The following LGR4 variants were observed in gnomAD, a reference collection of about 807,000 sequenced individuals.
The protein encoded by LGR4 is leucine rich repeat containing G protein-coupled receptor 4.
LGR4 carries 44 observed loss-of-function variants against 84.8 expected under a neutral mutation model. The ratio of observed to expected loss-of-function variants is 0.52; its 90% CI spans 0.41 to 0.67. The LOEUF (loss-of-function observed/expected upper bound fraction) is 0.67. LGR4 is among the 30% of genes least tolerant of loss of function. LGR4 has a pLI of 0.00. For missense variants in LGR4, 1,032 were observed against 1,131.4 expected (o/e 0.91, Z 1.26); for synonymous variants, 429 against 434.3 (o/e 0.99, Z 0.15).
rs191804665 is a variant in LGR4 at position 27,391,502 on chromosome 11, G to A, written c.330-337C>T. ...TGCTATTAGTTAATGTTAATTAGGA[G>A]CTATAACAAGTTAACTGGGAGGTAT... On this transcript the variant is annotated intron_variant, in intron 3 of 17. Coordinates refer to ENST00000379214, the MANE Select transcript of LGR4 (RefSeq NM_018490.5). Among the ~76,000 whole-genome samples, 564 of 152,234 alleles carry A rather than the reference G, an allele frequency of 3.7e-3. 4 individuals carry two copies. The highest frequency in any genetic ancestry group is 0.013 in the African/African-American group (539 of 41,540).
chr11:27,372,663 C>T (rs945956006), intron 15 of LGR4, among the ~76,000 whole-genome samples: 3 of 152,162 alleles, frequency 2.0e-5, no homozygotes, highest in African/African-American at 7.2e-5. Flanking sequence ...TAAAATTTAA[C>T]AGCAGTACTG....
At chr11:27,432,883 T>C (rs1243672331) in intron 1 of LGR4, among the ~76,000 whole-genome samples, 1 of 152,160 alleles carries the variant, frequency 6.6e-6, no homozygotes, top group Non-Finnish European at 1.5e-5. Context: ...TCTTCCCACT[T>C]TTTTTCCCAC....
intron 2 of LGR4, among the ~76,000 whole-genome samples, chr11:27,409,713 T>A (rs1215047764): frequency 6.6e-6 from 1 of 152,168 alleles, no homozygotes; most frequent in Non-Finnish European, 1.5e-5. Flanking sequence ...CACAACTTTA[T>A]GCGTCCTAAA....
intron 1 of LGR4, among the ~76,000 whole-genome samples, chr11:27,448,581 C>T (rs893581992): frequency 1.8e-4 from 28 of 152,124 alleles, no homozygotes; most frequent in African/African-American, 3.4e-4. Context: ...CGTGAGCCAC[C>T]GCGCCCTGCC....
At chr11:27,399,250 C>G (rs1171005421) in intron 2 of LGR4, among the ~76,000 whole-genome samples, 1 of 152,076 alleles carries the variant, frequency 6.6e-6, no homozygotes, top group Non-Finnish European at 1.5e-5. Context: ...CTTTTGAAGA[C>G]ACACATAGGA....
Position 27,380,910 on chromosome 11 carries a change from G to A in LGR4, c.815C>T (p.Pro272Leu), listed in dbSNP as rs1313103833. The A allele has an allele frequency of 1.9e-6, 3 of 1,545,158 alleles. No individual in the cohort carries two copies. Among genetic ancestry groups the A allele is most frequent in the South Asian group, 2.2e-5 (2 of 89,418 alleles). ...VIPDGAFDGN[P>L]LLRTIHLYDN... ...AAATACTTACATAGTTCTTAAGAGT[G>A]GATTACCATCAAATGCTCCATCAGG... Residue 272 changes from proline (P) to leucine (L), a missense_variant, in exon 8 of 18, where the codon CCA (proline) becomes CTA (leucine). By Grantham distance (98) the Pro-to-Leu change is moderately conservative (BLOSUM62 -3). Transcript: ENST00000379214.
intron 1 of LGR4, among the ~76,000 whole-genome samples, chr11:27,430,725 T>A (rs979067316): frequency 6.6e-6 from 1 of 152,108 alleles, no homozygotes; most frequent in African/African-American, 2.4e-5. Context: ...TTTCCATGCT[T>A]GCCCCTCTGA....
At chr11:27,396,121 C>A (rs950189129) in intron 2 of LGR4, among the ~76,000 whole-genome samples, 1 of 152,160 alleles carries the variant, frequency 6.6e-6, no homozygotes, top group East Asian at 1.9e-4. Context: ...ATAAGTCACA[C>A]TGCTTGTACA....
Position 27,377,204 on chromosome 11 carries a change from T to G in LGR4, c.1063A>C (p.Ile355Leu). 1 of 1,570,766 alleles carries G rather than the reference T, an allele frequency of 6.4e-7. No individual in the cohort carries two copies. Among genetic ancestry groups the G allele is most frequent in the Non-Finnish European group, 8.7e-7 (1 of 1,143,608 alleles). Residue 355 changes from isoleucine to leucine, a missense_variant, in exon 12 of 18, where the codon ATA becomes CTA. Transcript: ENST00000379214. ...CCATTAAAACTTGGAAGGTCTCTTA[T>G]ATTATTGTAAGACAAGTCCCTTAAA... The part of the protein sequence containing the change: ...LRTLDLSYNN[I>L]RDLPSFNGCH...
At chr11:27,410,365 A>G (rs781434473) in intron 2 of LGR4, among the ~76,000 whole-genome samples, 2 of 152,134 alleles carry the variant, frequency 1.3e-5, no homozygotes, top group Non-Finnish European at 2.9e-5. Flanking sequence ...ATCACATTTA[A>G]ACATTCATCA....
At chr11:27,395,140 C>A (rs898217424) in intron 2 of LGR4, among the ~76,000 whole-genome samples, 6 of 152,046 alleles carry the variant, frequency 3.9e-5, no homozygotes, top group African/African-American at 1.4e-4. Context: ...ACCATAAAAG[C>A]CATAAGAGGC....
chr11:27,422,884 T>G (rs1590381473), intron 1 of LGR4, among the ~76,000 whole-genome samples: 1 of 152,326 alleles, frequency 6.6e-6, no homozygotes, highest in East Asian at 1.9e-4. Context: ...TACAAGAATT[T>G]CTTACACTTC....
In LGR4 at chr11:27,368,778, C is replaced by T; in HGVS notation, c.1945G>A (p.Asp649Asn). 1.9e-6 allele frequency: 3 copies of T among 1,613,928 alleles called. No homozygotes were observed. The highest frequency in any genetic ancestry group is 2.5e-6 in the Non-Finnish European group (3 of 1,179,976). The change falls in exon 18 of 18, where the codon GAT (aspartate) becomes AAT (asparagine). Residue 649 changes from aspartate (D) to asparagine (N), a missense_variant. Asp to Asn is a conservative substitution (Grantham distance 23). Coordinates refer to ENST00000379214, the MANE Select transcript of LGR4 (RefSeq NM_018490.5). ...ATVERSLSAK[D>N]IMKNGKSNHL... ...TTGCTCTTCCCATTTTTCATTATAT[C>T]TTTTGCAGATAAGCTTCTTTCGACA...
intron 10 of LGR4, among the ~76,000 whole-genome samples, chr11:27,379,896 C>T (rs1460299483): frequency 2.2e-5 from 2 of 90,666 alleles, no homozygotes; most frequent in African/African-American, 7.2e-5. Context: ...TTTACTAATC[C>T]TGCCTTAAAT....
At chr11:27,418,036 C>G in intron 1 of LGR4, among the ~76,000 whole-genome samples, 1 of 152,152 alleles carries the variant, frequency 6.6e-6, no homozygotes, top group South Asian at 2.1e-4. Flanking sequence ...TCCTGTCATC[C>G]ATTGAACAAA....
intron 3 of LGR4, 70 bp from the exon 4 acceptor site, chr11:27,391,235 C>CTT (rs35556457): frequency 4.1e-4 from 183 of 444,476 alleles, no homozygotes; most frequent in Non-Finnish European, 4.3e-4. Flanking sequence ...AATTCAGAGC[C>CTT]TTTTTTTTTT....
rs1456900865 is a variant in LGR4 at position 27,381,000 on chromosome 11, A to G, written c.759-34T>C. 2.5e-6 allele frequency: 3 copies of G among 1,180,796 alleles called. No homozygotes were observed. The African/African-American group carries it at 4.6e-5, about 18-fold the overall frequency. The allele number at this position is 1,180,796 out of a possible 1,614,324, so 73.1% of individuals were successfully genotyped here. A position where few individuals can be genotyped will look rare whatever the true frequency, so the allele number is the denominator to read the frequency against. ...ATAGGAGAAAAGTATTTTGAAATGC[A>G]TTATCCTCTTGCGAAATAAAACCCA... On this transcript the variant is annotated intron_variant, in intron 7 of 17. Coordinates refer to ENST00000379214, the MANE Select transcript of LGR4 (RefSeq NM_018490.5).
At position 27,368,849 on chromosome 11, in the gene LGR4, G is replaced by A. The variant is rs1862827108; in HGVS notation, c.1874C>T (p.Ala625Val). The A allele has an allele frequency of 6.2e-7, 1 of 1,614,140 alleles. No individual in the cohort carries two copies. Among genetic ancestry groups the A allele is most frequent in the South Asian group, 1.1e-5 (1 of 91,078 alleles). Residue 625 changes from alanine (A) to valine (V), a missense_variant, in exon 18 of 18, where the codon GCA becomes GTA. By Grantham distance (64) the Ala-to-Val change is moderately conservative. Coordinates refer to ENST00000379214, the MANE Select transcript of LGR4 (RefSeq NM_018490.5). ...TATGGCACTTTCTGAGGAGAAAACT[G>A]CAAGAAACCCAGCTACTTTGCAGCC... Reference protein sequence around the residue: ...GSGCKVAGFLAVFSSESAIFL... With the variant: ...GSGCKVAGFLVVFSSESAIFL...
intron 1 of LGR4, among the ~76,000 whole-genome samples, chr11:27,433,572 A>T (rs903609548): frequency 3.3e-5 from 5 of 151,940 alleles, no homozygotes; most frequent in African/African-American, 7.3e-5. Context: ...TGTTCTTCAG[A>T]GTGTGCTCTA....
Sources: gnomAD v4.1 joint callset for allele counts (sites outside exome capture counted in the v4.1 genomes callset) on GRCh38, gnomAD v4.1.1 for gene constraint, MANE v1.5 for transcripts, NCBI Gene and HGNC (gene_info 2026-07-23, HGNC 2026-07-21) for gene names.